ARMH1: variants seen among roughly 807,000 people sequenced by gnomAD.
The protein encoded by ARMH1 is armadillo like helical domain containing 1.
ARMH1 carries 34 observed loss-of-function variants against 50.2 expected under a neutral mutation model. That is an observed-to-expected ratio of 0.68 (90% CI 0.51 to 0.90). The LOEUF (loss-of-function observed/expected upper bound fraction) is 0.90, where lower values mean the gene tolerates loss of function less well. Ranked by LOEUF, ARMH1 falls within the 40% of genes least tolerant of loss-of-function variation. The probability of loss-of-function intolerance (pLI) is 0.00; values close to 1 mark genes in which losing one functional copy is unlikely to be tolerated. For missense variants in ARMH1, 538 were observed against 553.9 expected (o/e 0.97, Z 0.29); for synonymous variants, 221 against 224.2 (o/e 0.99, Z 0.13).
In ARMH1 at chr1:44,725,328, T is replaced by A. The variant is rs556284231; in HGVS notation, c.1248T>A (p.Thr416=). 292 of 1,551,498 alleles carry A rather than the reference T, an allele frequency of 1.9e-4. No individual in the cohort carries two copies. Among genetic ancestry groups the A allele is most frequent in the Non-Finnish European group, 2.4e-4 (278 of 1,146,974 alleles). ...ATGGCAGCTCCTACAGCATGAACAC[T>A]CTCTATGGCTCGCGCGATTCGGCTC... ...CLHGSSYSMN[T]LYGSRDSAQM... Residue 416 remains threonine, a synonymous_variant, in exon 12 of 12, where the codon ACT becomes ACA. Coordinates refer to ENST00000535358, the MANE Select transcript of ARMH1 (RefSeq NM_001145636.2).
At position 44,682,500 on chromosome 1, in the gene ARMH1, GTCAGGTTTCACCTGGGGCCGAATTTA is replaced by G. The variant is rs1454801330; in HGVS notation, c.-22-7175_-22-7150del. ...GTTGAGGCAAGGGGTGGGGTGGGGT[GTCAGGTTTCACCTGGGGCCGAATTTA>G]GATGGAAATTCTTTGGCCTGAAATG... On this transcript the variant is annotated intron_variant, in intron 1 of 11. Transcript: ENST00000535358. This position sits in a 1 kb window ranked among gnomAD's most constrained non-coding sequence, Gnocchi z 4.5. 6.6e-6 allele frequency among the ~76,000 whole-genome samples: 1 copy of G among 152,168 alleles called. No homozygotes were observed. The highest frequency in any genetic ancestry group is 1.5e-5 in the Non-Finnish European group (1 of 68,018).
intron 2 of ARMH1, among the ~76,000 whole-genome samples, chr1:44,692,765 C>G (rs545819625): frequency 3.9e-5 from 6 of 152,162 alleles, no homozygotes; most frequent in Non-Finnish European, 7.4e-5. Context: ...CAGGGTCTTC[C>G]TCTGTTCCCC....
In ARMH1 at chr1:44,704,148, G is replaced by C; in HGVS notation, c.699G>C (p.Thr233=). The C allele has an allele frequency of 6.4e-7, 1 of 1,551,196 alleles. No individual in the cohort carries two copies. Among genetic ancestry groups the C allele is most frequent in the Non-Finnish European group, 8.7e-7 (1 of 1,146,748 alleles). The change falls in exon 6 of 12, where the codon ACG becomes ACC. Residue 233 remains threonine (T), a synonymous_variant. Coordinates refer to ENST00000535358, the MANE Select transcript of ARMH1 (RefSeq NM_001145636.2). ...ACTGCGTGCTGAAGGTGCTGGGCAC[G>C]ATGCACCTGGAAGTCCAGTATGAAG... ...IVDCVLKVLG[T]MHLEVQYEAI... is the part of the protein sequence containing the mutation.
chr1:44,724,492 G>T lies in ARMH1; in HGVS notation c.921-47G>T, dbSNP rs1423540371. 2 of 1,509,868 alleles carry T rather than the reference G, an allele frequency of 1.3e-6. No individual in the cohort carries two copies. The highest frequency in any genetic ancestry group is 8.8e-7 in the Non-Finnish European group (1 of 1,132,722). The allele number at this position is 1,509,868 out of a possible 1,614,324, so 93.5% of individuals were successfully genotyped here. ...GTGCGCCGGGTGGGCGGGGGTGTGCGCCGGGTGAGCCCCAGGGCGTCGCCC... is the reference window on the plus strand; with the variant it reads ...GTGCGCCGGGTGGGCGGGGGTGTGCTCCGGGTGAGCCCCAGGGCGTCGCCC... On this transcript the variant is annotated intron_variant, in intron 8 of 11. Transcript: ENST00000535358. The surrounding 1 kb of genome is among the most constrained non-coding windows in gnomAD (Gnocchi z 6.4).
chr1:44,700,460 A>G (rs996069044), intron 4 of ARMH1, among the ~76,000 whole-genome samples: 2 of 152,152 alleles, frequency 1.3e-5, no homozygotes, highest in African/African-American at 4.8e-5. Flanking sequence ...TATTAAAAAT[A>G]CAAAAATTAG....
chr1:44,692,076 A>T (rs1235642466), intron 2 of ARMH1, among the ~76,000 whole-genome samples: 1 of 152,118 alleles, frequency 6.6e-6, no homozygotes, highest in Non-Finnish European at 1.5e-5. Context: ...TCCTTGCCTG[A>T]ACCCTCTCGC....
chr1:44,710,608 C>CA lies in ARMH1; in HGVS notation c.724+6456dup, dbSNP rs56731047. Among the ~76,000 whole-genome samples, 154 of 92,788 alleles carry CA rather than the reference C, an allele frequency of 1.7e-3. 1 individual carries two copies. The highest frequency in any genetic ancestry group is 2.4e-3 in the South Asian group (7 of 2,908). 60.9% of individuals were successfully genotyped at this position (92,788 alleles called of 152,430 possible). Reference sequence around the variant, plus strand: ...TAGGCAACAGAGCAAGACTCCGTCTCAAAAAAAAAAAAAAAAAAAAAGAAA... The same window carrying CA: ...TAGGCAACAGAGCAAGACTCCGTCTCAAAAAAAAAAAAAAAAAAAAAAGAAA... On this transcript the variant is annotated intron_variant, in intron 6 of 11. Coordinates refer to ENST00000535358, the MANE Select transcript of ARMH1 (RefSeq NM_001145636.2).
chr1:44,690,212 T>C lies in ARMH1; in HGVS notation c.206+309T>C, dbSNP rs1645615598. On this transcript the variant is annotated intron_variant, in intron 2 of 11. Coordinates refer to ENST00000535358, the MANE Select transcript of ARMH1 (RefSeq NM_001145636.2). ...CAGCCTGGGCAACAGAGTGAGACTC[T>C]GTCTCAAAACAAACAAACAAACAAA... Among the ~76,000 whole-genome samples the C allele has an allele frequency of 3.3e-5, 5 of 152,126 alleles. No individual in the cohort carries two copies. The South Asian group carries it at 1.0e-3, about 32-fold the overall frequency.
In ARMH1 at chr1:44,689,809, AC is replaced by A; in HGVS notation, c.114del (p.Asn39ThrfsTer24). The A allele has an allele frequency of 6.4e-7, 1 of 1,551,668 alleles. No homozygotes were observed. Among genetic ancestry groups the A allele is most frequent in the Non-Finnish European group, 8.7e-7 (1 of 1,147,000 alleles). On this transcript the variant is annotated frameshift_variant, in exon 2 of 12. Transcript: ENST00000535358. LOFTEE classifies it high-confidence loss of function. ...RSHILDKFIE[T>X]NQGKTAPELE... Reference sequence around the variant, plus strand: ...TCACATCCTCGACAAGTTCATTGAAACCAACCAAGGCAAGACTGCCCCTGAA... The same window carrying A: ...TCACATCCTCGACAAGTTCATTGAAACAACCAAGGCAAGACTGCCCCTGAA...
chr1:44,718,055 G>A (rs1557561363), intron 6 of ARMH1, among the ~76,000 whole-genome samples: 1 of 152,222 alleles, frequency 6.6e-6, no homozygotes. Flanking sequence ...AAGCATTTAG[G>A]TAAAGTGAAT....
intron 6 of ARMH1, among the ~76,000 whole-genome samples, chr1:44,710,475 G>C (rs1382871212): frequency 6.6e-6 from 1 of 151,906 alleles, no homozygotes. Flanking sequence ...CGGGCGTGGT[G>C]GTGGGCGCCT....
At chr1:44,702,154 C>T (rs529122375) in intron 5 of ARMH1, among the ~76,000 whole-genome samples, 2 of 152,220 alleles carry the variant, frequency 1.3e-5, no homozygotes, top group South Asian at 2.1e-4. Flanking sequence ...CTTATTTCCA[C>T]AGTTCCCAGT....
chr1:44,722,627 C>T (rs1157962367), intron 6 of ARMH1, among the ~76,000 whole-genome samples: 1 of 151,836 alleles, frequency 6.6e-6, no homozygotes. Context: ...GCCTGTAATC[C>T]CAGCTTCCCA....
At chr1:44,723,569 A>G (rs1647726650) in intron 6 of ARMH1, among the ~76,000 whole-genome samples, 1 of 152,174 alleles carries the variant, frequency 6.6e-6, no homozygotes, top group Admixed American at 6.5e-5. Flanking sequence ...TAATTTCGGC[A>G]AAGGTAAAAT....
chr1:44,692,635 A>G (rs1195517114), intron 2 of ARMH1, among the ~76,000 whole-genome samples: 1 of 152,162 alleles, frequency 6.6e-6, no homozygotes, highest in East Asian at 1.9e-4. Flanking sequence ...CTTACATTTA[A>G]GTTATTGATA....
chr1:44,699,278 C>T (rs1260605349), intron 4 of ARMH1, among the ~76,000 whole-genome samples: 5 of 129,016 alleles, frequency 3.9e-5, no homozygotes, highest in Non-Finnish European at 3.2e-5. Flanking sequence ...AGCAAGACTC[C>T]GTCTCAAAAA....
intron 6 of ARMH1, among the ~76,000 whole-genome samples, chr1:44,717,822 C>G (rs968141085): frequency 1.3e-5 from 2 of 152,234 alleles, no homozygotes; most frequent in Admixed American, 6.5e-5. Flanking sequence ...TTGTCCTTTG[C>G]TTTCTGAAGG....
intron 6 of ARMH1, among the ~76,000 whole-genome samples, chr1:44,719,026 A>G (rs543590721): frequency 2.2e-3 from 158 of 72,262 alleles, no homozygotes; most frequent in African/African-American, 0.014. Context: ...ACTGTCTCGG[A>G]AAAAAAAAAA....
chr1:44,692,864 A>C (rs1000106877), intron 2 of ARMH1: 4 of 151,940 alleles, frequency 2.6e-5, no homozygotes, highest in African/African-American at 9.7e-5. Flanking sequence ...CCTCCCAAGC[A>C]GATAGGACTA....
Sources: allele counts gnomAD v4.1 joint callset (sites outside exome capture counted in the v4.1 genomes callset), GRCh38; gene constraint gnomAD v4.1.1; non-coding constraint Gnocchi (gnomAD v3.1); transcripts MANE v1.5; gene names NCBI Gene and HGNC (gene_info 2026-07-23, HGNC 2026-07-21).